Variants in SLC9C2 observed in about 807,000 individuals in gnomAD.
SLC9C2 encodes solute carrier family 9 member C2 (putative).
A neutral mutation model predicts 140.2 loss-of-function variants in SLC9C2; 75 were observed. That is an observed-to-expected ratio of 0.53 (90% CI 0.44 to 0.65). The LOEUF is 0.65. Among genes scored for constraint, SLC9C2 ranks in the 30% least tolerant of loss-of-function variants. The pLI is 0.00. For synonymous variants in SLC9C2, 375 were observed against 420.9 expected, an observed-to-expected ratio of 0.89 and a Z score of 1.34; for missense variants, 1,074 against 1,331.8, an observed-to-expected ratio of 0.81 and a Z score of 3.01.
chr1:173,563,207 C>A (rs1042368444), intron 9 of SLC9C2, among the ~76,000 whole-genome samples: 3 of 151,554 alleles, frequency 2.0e-5, no homozygotes, highest in African/African-American at 7.3e-5. Context: ...GTCCTTTGAG[C>A]CAGCTGATGA....
chr1:173,508,434 CTG>C (rs1044590160), intron 24 of SLC9C2, among the ~76,000 whole-genome samples: 4 of 152,164 alleles, frequency 2.6e-5, no homozygotes, highest in Middle Eastern at 3.4e-3. Context: ...TGAGTCAAGT[CTG>C]AGTCCATACA....
intron 23 of SLC9C2, among the ~76,000 whole-genome samples, chr1:173,510,144 A>G (rs1659940178): frequency 2.0e-5 from 3 of 152,198 alleles, no homozygotes; most frequent in Admixed American, 2.0e-4. Flanking sequence ...AGTGAATTCA[A>G]TTCAGCCTTA....
intron 13 of SLC9C2, among the ~76,000 whole-genome samples, chr1:173,542,185 T>G (rs191446233): frequency 1.2e-4 from 19 of 152,222 alleles, no homozygotes; most frequent in Non-Finnish European, 2.1e-4. Flanking sequence ...ATACCAGCAC[T>G]GATCCCACAG....
intron 9 of SLC9C2, among the ~76,000 whole-genome samples, chr1:173,571,180 C>G (rs990074193): frequency 6.6e-6 from 1 of 152,146 alleles, no homozygotes; most frequent in African/African-American, 2.4e-5. Context: ...GACTTTATTC[C>G]CCTTCACAAA....
chr1:173,593,052 C>A lies in SLC9C2; in HGVS notation c.357+4852G>T, dbSNP rs182351808. 2.0e-3 allele frequency among the ~76,000 whole-genome samples: 309 copies of A among 152,286 alleles called. 1 individual carries two copies. The highest frequency in any genetic ancestry group is 7.0e-3 in the African/African-American group (292 of 41,560). On this transcript the variant is annotated intron_variant, in intron 4 of 27. Coordinates refer to ENST00000367714, the MANE Select transcript of SLC9C2 (RefSeq NM_178527.4). ...GCTGAGGGAGTTCATTACCACCAGA[C>A]CCACCTTACAAGAGATCTTGAATGA...
rs71111066 is a variant in SLC9C2, at chr1:173,511,029, C to CTTTTTTTTT, written c.2908-1339_2908-1331dup. 5.5e-3 allele frequency among the ~76,000 whole-genome samples: 473 copies of CTTTTTTTTT among 86,730 alleles called. 48 individuals carry two copies. The highest frequency in any genetic ancestry group is 0.021 in the African/African-American group (393 of 18,310). 56.9% of individuals were successfully genotyped at this position (86,730 alleles called of 152,430 possible). On this transcript the variant is annotated intron_variant, in intron 23 of 27. Coordinates refer to ENST00000367714, the MANE Select transcript of SLC9C2 (RefSeq NM_178527.4). ...CCTGGATTTTTTTTCCTTTCTTTTC[C>CTTTTTTTTT]TTTTTTTTTTTTTTTTTTTTTTTTG...
chr1:173,513,632 T>G (rs896354695), intron 23 of SLC9C2, among the ~76,000 whole-genome samples: 2 of 152,066 alleles, frequency 1.3e-5, no homozygotes, highest in African/African-American at 4.8e-5. Flanking sequence ...TTTTGAAGGG[T>G]TTTTTGTGTC....
chr1:173,573,352 T>C, intron 8 of SLC9C2, 27 bp from the exon 9 acceptor site: 89 of 1,266,604 alleles, frequency 7.0e-5, no homozygotes, highest in Middle Eastern at 2.1e-4. Flanking sequence ...AGAAATGACA[T>C]TTTAAGCAAT....
At chr1:173,540,001 G>C (rs777814485) in intron 13 of SLC9C2, among the ~76,000 whole-genome samples, 1 of 152,148 alleles carries the variant, frequency 6.6e-6, no homozygotes, top group Non-Finnish European at 1.5e-5. Context: ...ATTGACTCTG[G>C]ACTGGTTTTG....
intron 17 of SLC9C2, among the ~76,000 whole-genome samples, chr1:173,532,817 CAGG>C (rs754718584): frequency 1.3e-5 from 2 of 152,062 alleles, no homozygotes; most frequent in African/African-American, 2.4e-5. Context: ...GAGGCCGAAA[CAGG>C]AGGATTGCTG....
intron 4 of SLC9C2, among the ~76,000 whole-genome samples, chr1:173,597,447 C>A (rs1393071700): frequency 6.6e-6 from 1 of 151,272 alleles, no homozygotes; most frequent in Non-Finnish European, 1.5e-5. Flanking sequence ...AGAATAAAAC[C>A]AAAATAAAAT....
At chr1:173,555,813 C>T (rs1384636270) in intron 10 of SLC9C2, among the ~76,000 whole-genome samples, 4 of 152,148 alleles carry the variant, frequency 2.6e-5, no homozygotes, top group Non-Finnish European at 5.9e-5. Context: ...GAATATGATA[C>T]TCCATCAAAA....
intron 5 of SLC9C2, 147 bp downstream of exon 5, chr1:173,587,518 C>T (rs956985258): frequency 4.1e-5 from 27 of 655,416 alleles, no homozygotes; most frequent in Non-Finnish European, 6.1e-5. Flanking sequence ...TCCTTAAAGT[C>T]AATCAGTGCT....
intron 13 of SLC9C2, among the ~76,000 whole-genome samples, chr1:173,547,324 C>T (rs1343973198): frequency 6.6e-6 from 1 of 151,324 alleles, no homozygotes; most frequent in Non-Finnish European, 1.5e-5. Context: ...GTTAAATTAG[C>T]ACTTGAGAGA....
At chr1:173,556,586 A>G (rs1470996024) in intron 10 of SLC9C2, among the ~76,000 whole-genome samples, 1 of 152,110 alleles carries the variant, frequency 6.6e-6, no homozygotes, top group Non-Finnish European at 1.5e-5. Flanking sequence ...TGACAAGAGT[A>G]TCATTTTTTC....
At chr1:173,562,430 T>G (rs374645387) in intron 9 of SLC9C2, among the ~76,000 whole-genome samples, 2 of 152,212 alleles carry the variant, frequency 1.3e-5, no homozygotes, top group East Asian at 3.8e-4. Flanking sequence ...TCTTTAAACA[T>G]TTTATACATA....
chr1:173,521,167 G>C, intron 22 of SLC9C2, 134 bp downstream of exon 22: 1 of 467,150 alleles, frequency 2.1e-6, no homozygotes, highest in South Asian at 3.9e-5. Context: ...CAGCTGTCAT[G>C]CTCAGAGTAG....
chr1:173,543,871 C>A (rs974394152), intron 13 of SLC9C2, among the ~76,000 whole-genome samples: 1 of 152,190 alleles, frequency 6.6e-6, no homozygotes, highest in Admixed American at 6.5e-5. Context: ...GGATTAAAGA[C>A]TTAAATGTTA....
intron 24 of SLC9C2, among the ~76,000 whole-genome samples, chr1:173,508,293 TTAAA>T (rs1185899285): frequency 2.0e-5 from 3 of 151,754 alleles, no homozygotes; most frequent in African/African-American, 4.8e-5. Flanking sequence ...AAACTAAGTA[TTAAA>T]TAGAGATTCT....
Sources: allele counts gnomAD v4.1 joint callset (sites outside exome capture counted in the v4.1 genomes callset), GRCh38; gene constraint gnomAD v4.1.1; transcripts MANE v1.5; gene names NCBI Gene and HGNC (gene_info 2026-07-23, HGNC 2026-07-21).